NRXN3: variants seen among roughly 807,000 people sequenced by gnomAD.
NRXN3 encodes neurexin III.
NRXN3 carries 32 observed loss-of-function variants against 137.6 expected under a neutral mutation model. The observed-to-expected ratio is 0.23, with a 90% CI of 0.18 to 0.31. The LOEUF is 0.31. Ranked by LOEUF, NRXN3 falls within the 10% of genes least tolerant of loss-of-function variation. The probability of loss-of-function intolerance (pLI) is 1.00; values close to 1 mark genes in which losing one functional copy is unlikely to be tolerated. For synonymous variants in NRXN3, 798 were observed against 784.5 expected, an observed-to-expected ratio of 1.02 and a Z score of -0.29; for missense variants, 1,574 against 2,062.5, an observed-to-expected ratio of 0.76 and a Z score of 4.59.
chr14:79,024,470 C>T (rs896255082), intron 15 of NRXN3, among the ~76,000 whole-genome samples: 11 of 152,092 alleles, frequency 7.2e-5, no homozygotes, highest in East Asian at 3.9e-4. Flanking sequence ...TATTCCATAC[C>T]ATGATCCTTA....
At chr14:79,707,530 C>T (rs72696787) in intron 19 of NRXN3, among the ~76,000 whole-genome samples, 17,395 of 151,976 alleles carry the variant, frequency 0.11, 1,185 homozygotes, top group East Asian at 0.28. Flanking sequence ...GGGATGATTT[C>T]CAACTTCAAG....
At chr14:79,270,552 C>T (rs937734348) in intron 15 of NRXN3, among the ~76,000 whole-genome samples, 1 of 152,136 alleles carries the variant, frequency 6.6e-6, no homozygotes, top group Non-Finnish European at 1.5e-5. Context: ...AGCTGTCTGG[C>T]TCTAGGACTA....
intron 15 of NRXN3, among the ~76,000 whole-genome samples, chr14:79,275,474 CAG>C (rs571853458): frequency 1.0e-3 from 157 of 152,216 alleles, no homozygotes; most frequent in African/African-American, 3.7e-3. Context: ...AGTGGCAAGT[CAG>C]AGTCTATACA....
chr14:79,532,858 C>G (rs1364970243), intron 16 of NRXN3, among the ~76,000 whole-genome samples: 2 of 152,206 alleles, frequency 1.3e-5, no homozygotes. Flanking sequence ...TGAGGCACTT[C>G]TGAGCTTCTC....
chr14:79,047,416 T>C (rs1055671120), intron 15 of NRXN3, among the ~76,000 whole-genome samples: 3 of 152,052 alleles, frequency 2.0e-5, no homozygotes, highest in African/African-American at 7.2e-5. Context: ...ACTAAGTATA[T>C]AAAAGAAAGT....
At chr14:78,221,529 G>A (rs923847985) in intron 1 of NRXN3, among the ~76,000 whole-genome samples, 2 of 152,138 alleles carry the variant, frequency 1.3e-5, no homozygotes, top group Non-Finnish European at 2.9e-5. Flanking sequence ...GTAATCTTGG[G>A]GTGATATATT....
At chr14:78,271,564 C>A (rs141709634) in intron 2 of NRXN3, among the ~76,000 whole-genome samples, 1 of 152,034 alleles carries the variant, frequency 6.6e-6, no homozygotes, top group Non-Finnish European at 1.5e-5. Context: ...AACTGTCAAA[C>A]CCTGTTTCCT....
chr14:78,585,364 A>G (rs892902011), intron 4 of NRXN3, among the ~76,000 whole-genome samples: 1 of 152,072 alleles, frequency 6.6e-6, no homozygotes, highest in Non-Finnish European at 1.5e-5. Flanking sequence ...CTGAGAGTAG[A>G]GATGATATCT....
intron 15 of NRXN3, among the ~76,000 whole-genome samples, chr14:79,140,562 A>AC (rs2058691834): frequency 7.9e-6 from 1 of 127,330 alleles, no homozygotes; most frequent in African/African-American, 3.0e-5. Context: ...TGTTATTATC[A>AC]CCCCACCTCA....
At chr14:78,384,954 C>A (rs1444793980) in intron 4 of NRXN3, among the ~76,000 whole-genome samples, 5 of 152,058 alleles carry the variant, frequency 3.3e-5, no homozygotes, top group African/African-American at 7.2e-5. Flanking sequence ...ACTTTATTTT[C>A]TTTCACCTTA....
chr14:78,683,593 T>C (rs948575672), intron 6 of NRXN3, among the ~76,000 whole-genome samples: 14 of 152,176 alleles, frequency 9.2e-5, no homozygotes, highest in African/African-American at 3.4e-4. Flanking sequence ...GGTTATGACA[T>C]GTAGTTGAGA....
At chr14:78,456,859 CTCTTTCTT>C (rs199940490) in intron 4 of NRXN3, among the ~76,000 whole-genome samples, 28 of 81,304 alleles carry the variant, frequency 3.4e-4, no homozygotes, top group Middle Eastern at 0.013. Flanking sequence ...CTTTCTTTTT[CTCTTTCTT>C]TCTTTCTTTC....
In NRXN3 at chr14:78,638,212, C is replaced by T. The variant is rs117056520; in HGVS notation, c.758-6908C>T. ...TTATTTCTCTGCTGCATCTTTCCTA[C>T]GGAGAGTCTGAGGATAAGGGTTGGA... is the stretch of plus-strand genomic sequence containing the variant. On this transcript the variant is annotated intron_variant, in intron 4 of 20. Coordinates refer to ENST00000335750, the MANE Select transcript of NRXN3 (RefSeq NM_001330195.2). Among the ~76,000 whole-genome samples, 1,188 of 152,286 alleles carry T rather than the reference C, an allele frequency of 7.8e-3. 10 individuals are homozygous for T. The highest frequency in any genetic ancestry group is 0.011 in the Non-Finnish European group (743 of 68,032).
chr14:79,213,632 G>A (rs896032073), intron 15 of NRXN3, among the ~76,000 whole-genome samples: 1 of 151,330 alleles, frequency 6.6e-6, no homozygotes, highest in East Asian at 1.9e-4. Flanking sequence ...TTTTGGGGGG[G>A]GGTGGCGGGA....
At chr14:78,946,746 G>A (rs987064554) in intron 10 of NRXN3, among the ~76,000 whole-genome samples, 2 of 152,132 alleles carry the variant, frequency 1.3e-5, no homozygotes, top group African/African-American at 2.4e-5. Flanking sequence ...TATGAAGACA[G>A]CGCATGGAAA....
intron 15 of NRXN3, among the ~76,000 whole-genome samples, chr14:79,150,290 A>G (rs745316356): frequency 3.9e-5 from 6 of 152,046 alleles, no homozygotes; most frequent in Non-Finnish European, 7.4e-5. Flanking sequence ...TGGAATGAAT[A>G]GTTAAAATTG....
At chr14:78,402,985 A>G (rs555273123) in intron 4 of NRXN3, among the ~76,000 whole-genome samples, 2 of 152,194 alleles carry the variant, frequency 1.3e-5, no homozygotes, top group East Asian at 3.9e-4. Flanking sequence ...TAAGAAGACA[A>G]CTCCATATAT....
At chr14:79,592,341 C>T (rs181378312) in intron 16 of NRXN3, among the ~76,000 whole-genome samples, 6 of 152,194 alleles carry the variant, frequency 3.9e-5, no homozygotes, top group Admixed American at 6.5e-5. Flanking sequence ...ATGATGAAGA[C>T]GAATAATGTA....
chr14:78,737,216 A>T (rs188015080), intron 8 of NRXN3, among the ~76,000 whole-genome samples: 229 of 152,304 alleles, frequency 1.5e-3, no homozygotes, highest in Non-Finnish European at 2.4e-3. Flanking sequence ...AACAAATAGG[A>T]ATGGTCCAGC....
Sources: allele counts gnomAD v4.1 joint callset (sites outside exome capture counted in the v4.1 genomes callset), GRCh38; gene constraint gnomAD v4.1.1; transcripts MANE v1.5; gene names NCBI Gene and HGNC (gene_info 2026-07-23, HGNC 2026-07-21).